Variants in METAP1D observed in about 807,000 individuals in gnomAD.
The protein encoded by METAP1D is methionyl aminopeptidase type 1D, mitochondrial.
A neutral mutation model predicts 40.5 loss-of-function variants in METAP1D; 31 were observed. The ratio of observed to expected loss-of-function variants is 0.77; its 90% CI spans 0.58 to 1.03. The LOEUF is 1.03. Ranked by LOEUF, METAP1D falls within the 50% of genes least tolerant of loss-of-function variation. METAP1D has a pLI of 0.00. For synonymous variants in METAP1D, 151 were observed against 146.4 expected (o/e 1.03, Z -0.22); for missense variants, 411 against 420.7 (o/e 0.98, Z 0.20).
At chr2:172,068,238 T>C (rs1205361773) in intron 5 of METAP1D, among the ~76,000 whole-genome samples, 1 of 151,678 alleles carries the variant, frequency 6.6e-6, no homozygotes, top group Admixed American at 6.6e-5. Context: ...ACTAAAAATA[T>C]AAAAATTAGC....
At chr2:172,075,854 T>G (rs1690527588) in intron 6 of METAP1D, among the ~76,000 whole-genome samples, 1 of 152,198 alleles carries the variant, frequency 6.6e-6, no homozygotes, top group Non-Finnish European at 1.5e-5. Flanking sequence ...TGGCCTGTTC[T>G]TTTCCTCTTT....
Position 172,059,114 on chromosome 2 carries a change from T to TC in METAP1D, c.41-2384_41-2383insC, listed in dbSNP as rs1690069664. 2.6e-5 allele frequency among the ~76,000 whole-genome samples: 4 copies of TC among 151,440 alleles called. No individual in the cohort carries two copies. In the East Asian group the frequency reaches 7.8e-4, roughly 29 times the overall value. ...TTTTCTTTTTCTTTCTTTCTTTCTT[T>TC]TTTTTTTTTTCTGAGACAGAGTCTT... is the stretch of plus-strand genomic sequence containing the variant. On this transcript the variant is annotated intron_variant, in intron 1 of 9. Transcript: ENST00000315796.
intron 8 of METAP1D, among the ~76,000 whole-genome samples, chr2:172,079,868 C>A (rs995881191): frequency 3.3e-5 from 5 of 152,110 alleles, no homozygotes; most frequent in African/African-American, 1.2e-4. Flanking sequence ...GATTAAAATG[C>A]CCTTCTTTCT....
At position 172,003,576 on chromosome 2, in the gene METAP1D, T is replaced by G. The variant is rs1253770921; in HGVS notation, c.40+3567T>G. On this transcript the variant is annotated intron_variant, in intron 1 of 9. Transcript: ENST00000315796. ...TAAGCGTCTGGCATTTTCTCCTGCT[T>G]GCACTCATTCTCTCTCCTGCCACCC... 2.0e-5 allele frequency among the ~76,000 whole-genome samples: 3 copies of G among 152,130 alleles called. No individual in the cohort carries two copies. The East Asian group carries it at 5.8e-4, about 29-fold the overall frequency.
At chr2:172,014,125 C>CT (rs1377455719) in intron 1 of METAP1D, among the ~76,000 whole-genome samples, 33 of 124,908 alleles carry the variant, frequency 2.6e-4, no homozygotes, top group Admixed American at 1.6e-3. Context: ...ATCTGGACTA[C>CT]TTTTTTTTTT....
At chr2:172,000,114 A>G (rs1033971006) in intron 1 of METAP1D, 105 bp downstream of exon 1, 1 of 999,164 alleles carries the variant, frequency 1.0e-6, no homozygotes, top group Non-Finnish European at 1.3e-6. Context: ...CTCGGCGCAC[A>G]CGACTGTACT....
intron 1 of METAP1D, among the ~76,000 whole-genome samples, chr2:172,049,678 C>A (rs909394851): frequency 8.5e-5 from 13 of 152,120 alleles, no homozygotes; most frequent in Non-Finnish European, 1.5e-4. Flanking sequence ...TTTGCTTTTA[C>A]TAAAGAGGTT....
At chr2:172,065,351 G>A (rs1265313210) in intron 3 of METAP1D, among the ~76,000 whole-genome samples, 2 of 152,154 alleles carry the variant, frequency 1.3e-5, no homozygotes, top group Non-Finnish European at 2.9e-5. Context: ...ACTCACAAAT[G>A]ATTTAGAGGA....
chr2:172,041,726 T>TTATATATATATATATATATATATATA (rs67708838), intron 1 of METAP1D, among the ~76,000 whole-genome samples: 1 of 37,570 alleles, frequency 2.7e-5, no homozygotes, highest in Non-Finnish European at 6.4e-5. Context: ...TCTAATTATT[T>TTATATATATATATATATATATATATA]TATATATATA....
chr2:172,029,841 A>G (rs894247895), intron 1 of METAP1D, among the ~76,000 whole-genome samples: 1 of 152,042 alleles, frequency 6.6e-6, no homozygotes, highest in Non-Finnish European at 1.5e-5. Flanking sequence ...TGCAACCTCC[A>G]TCTCCCAGGT....
At position 172,080,110 on chromosome 2, in the gene METAP1D, A is replaced by G; in HGVS notation, c.851-18A>G. 1 of 1,606,156 alleles carries G rather than the reference A, an allele frequency of 6.2e-7. No homozygotes were observed. Among genetic ancestry groups the G allele is most frequent in the Non-Finnish European group, 8.5e-7 (1 of 1,173,726 alleles). ...GAATCTGATGAGGTCACTGCAGTAA[A>G]TATTTTTCCTCTTACAGAGCCAATC... On this transcript the variant is annotated intron_variant, in intron 8 of 9. Coordinates refer to ENST00000315796, the MANE Select transcript of METAP1D (RefSeq NM_199227.3).
At chr2:172,080,013 G>A in intron 8 of METAP1D, 115 bp from the exon 9 acceptor site, 1 of 842,144 alleles carries the variant, frequency 1.2e-6, no homozygotes. Context: ...ATGAGCCTGT[G>A]GGGGAAGCAC....
In METAP1D at chr2:172,060,396, G is replaced by A. The variant is rs548985411; in HGVS notation, c.41-1102G>A. 5.1e-5 allele frequency among the ~76,000 whole-genome samples: 7 copies of A among 136,696 alleles called. No homozygotes were observed. The South Asian group carries it at 1.2e-3, about 22-fold the overall frequency. The allele number at this position is 136,696 out of a possible 152,430, so 89.7% of individuals were successfully genotyped here. ...GCACCACTGTTGCCTTAGCCTGGGCGACAGAGCAAGACCCTGTCTCAAAAA... is the reference window on the plus strand; with the variant it reads ...GCACCACTGTTGCCTTAGCCTGGGCAACAGAGCAAGACCCTGTCTCAAAAA... On this transcript the variant is annotated intron_variant, in intron 1 of 9. Transcript: ENST00000315796.
At chr2:172,061,462 T>C in intron 1 of METAP1D, 36 bp from the exon 2 acceptor site, 2 of 1,581,850 alleles carry the variant, frequency 1.3e-6, no homozygotes, top group Non-Finnish European at 1.7e-6. Context: ...TGTTAGGTTG[T>C]TTTTTTACTT....
chr2:172,008,216 T>C (rs1274933043), intron 1 of METAP1D, among the ~76,000 whole-genome samples: 1 of 152,134 alleles, frequency 6.6e-6, no homozygotes. Context: ...AAGTACTTCA[T>C]AGTGGTGTTG....
chr2:172,061,747 A>G, intron 2 of METAP1D, 92 bp downstream of exon 2: 1 of 1,200,704 alleles, frequency 8.3e-7, no homozygotes, highest in Non-Finnish European at 1.1e-6. Context: ...TTGATTTCTG[A>G]GCCATTTGGG....
intron 1 of METAP1D, among the ~76,000 whole-genome samples, chr2:172,051,612 T>G (rs760225350): frequency 5.9e-5 from 9 of 152,160 alleles, no homozygotes; most frequent in Non-Finnish European, 1.2e-4. Context: ...CGTTTTGCAG[T>G]GACCTGGGCA....
intron 1 of METAP1D, among the ~76,000 whole-genome samples, chr2:172,049,048 A>C (rs1168650637): frequency 1.3e-5 from 2 of 152,172 alleles, no homozygotes; most frequent in Non-Finnish European, 2.9e-5. Context: ...GCAGCAGCGC[A>C]ATCTTGGCTC....
intron 1 of METAP1D, among the ~76,000 whole-genome samples, chr2:172,013,269 C>G (rs985491482): frequency 1.3e-5 from 2 of 152,230 alleles, no homozygotes; most frequent in Non-Finnish European, 2.9e-5. Context: ...GGTCCACCCC[C>G]TCCTGCCTCA....
Sources: allele counts gnomAD v4.1 joint callset (sites outside exome capture counted in the v4.1 genomes callset), GRCh38; gene constraint gnomAD v4.1.1; transcripts MANE v1.5; gene names NCBI Gene and HGNC (gene_info 2026-07-23, HGNC 2026-07-21).